Variants in GSG1L observed in about 807,000 individuals in gnomAD.
The protein encoded by GSG1L is GSG1 like.
A neutral mutation model predicts 42.1 loss-of-function variants in GSG1L; 24 were observed. That is an observed-to-expected ratio of 0.57 (90% CI 0.41 to 0.80). The LOEUF is 0.80. GSG1L is among the 30% of genes least tolerant of loss of function. The probability of loss-of-function intolerance (pLI) is 0.00; values close to 1 mark genes in which losing one functional copy is unlikely to be tolerated. For synonymous variants in GSG1L, 215 were observed against 203.5 expected, an observed-to-expected ratio of 1.06 and a Z score of -0.48; for missense variants, 445 against 472.2, an observed-to-expected ratio of 0.94 and a Z score of 0.53.
intron 3 of GSG1L, among the ~76,000 whole-genome samples, chr16:27,880,470 G>C (rs574980854): frequency 6.6e-6 from 1 of 152,314 alleles, no homozygotes; most frequent in East Asian, 1.9e-4. Flanking sequence ...GGGCTTTGAA[G>C]CCAACTGGAG....
At chr16:27,993,608 TTAAACTTTCCAGTGGTG>T (rs2085478164) in intron 1 of GSG1L, among the ~76,000 whole-genome samples, 1 of 152,142 alleles carries the variant, frequency 6.6e-6, no homozygotes, top group Admixed American at 6.6e-5. Context: ...TGCCATGGCA[TTAAACTTTCCAGTGGTG>T]TAAGTGAGAG....
chr16:27,836,526 G>A (rs889889963), intron 4 of GSG1L, among the ~76,000 whole-genome samples: 1 of 151,880 alleles, frequency 6.6e-6, no homozygotes, highest in African/African-American at 2.4e-5. Flanking sequence ...GGTCCTTAAG[G>A]CTCTGTACAT....
At chr16:28,028,087 T>A (rs1039462757) in intron 1 of GSG1L, among the ~76,000 whole-genome samples, 2 of 152,108 alleles carry the variant, frequency 1.3e-5, no homozygotes, top group African/African-American at 2.4e-5. Flanking sequence ...ATTTCGTGAG[T>A]CTTTCCTAAG....
intron 1 of GSG1L, among the ~76,000 whole-genome samples, chr16:28,021,816 G>T (rs2085847072): frequency 6.6e-6 from 1 of 151,952 alleles, no homozygotes; most frequent in African/African-American, 2.4e-5. Context: ...ACTGGCATTG[G>T]TCTCACAAAA....
At chr16:27,796,617 G>A (rs1299758180) in intron 6 of GSG1L, among the ~76,000 whole-genome samples, 1 of 152,214 alleles carries the variant, frequency 6.6e-6, no homozygotes. Flanking sequence ...GGAAGGGCAG[G>A]CTTGAGTGGG....
chr16:27,852,770 G>A (rs1289073799), intron 3 of GSG1L, among the ~76,000 whole-genome samples: 1 of 152,188 alleles, frequency 6.6e-6, no homozygotes, highest in African/African-American at 2.4e-5. Context: ...GTGGTTGGGT[G>A]GGGATGGTGA....
chr16:27,889,408 C>G (rs147406183), intron 2 of GSG1L, among the ~76,000 whole-genome samples: 1 of 152,086 alleles, frequency 6.6e-6, no homozygotes, highest in African/African-American at 2.4e-5. Flanking sequence ...TTGTTCTTGT[C>G]GTTATAATTG....
intron 3 of GSG1L, among the ~76,000 whole-genome samples, chr16:27,864,059 T>G (rs1451285885): frequency 6.6e-6 from 1 of 152,206 alleles, no homozygotes; most frequent in Non-Finnish European, 1.5e-5. Context: ...TCTGGCAGAT[T>G]CCCTCCATAT....
intron 2 of GSG1L, among the ~76,000 whole-genome samples, chr16:27,960,395 A>G (rs990402213): frequency 8.5e-5 from 13 of 152,100 alleles, no homozygotes; most frequent in African/African-American, 3.1e-4. Context: ...CACAGTAACT[A>G]CCGTATGAAA....
chr16:27,828,984 A>G (rs2083246057), intron 4 of GSG1L, 28 bp from the exon 5 acceptor site: 1 of 1,610,054 alleles, frequency 6.2e-7, no homozygotes. Flanking sequence ...GAGAGATGCC[A>G]TCGTGAGGGT....
chr16:28,052,229 C>T (rs2086229022), intron 1 of GSG1L, among the ~76,000 whole-genome samples: 1 of 152,058 alleles, frequency 6.6e-6, no homozygotes, highest in Non-Finnish European at 1.5e-5. Flanking sequence ...GAGGAGTCAT[C>T]TGTGCCACCA....
intron 6 of GSG1L, among the ~76,000 whole-genome samples, chr16:27,803,330 G>A (rs550609800): frequency 5.3e-5 from 8 of 152,028 alleles, no homozygotes; most frequent in Non-Finnish European, 1.0e-4. Context: ...CCCTCTCTGC[G>A]GCAGCCCTTG....
At chr16:27,947,384 A>AAAAGAAAGAAAGAAAG (rs199991139) in intron 2 of GSG1L, among the ~76,000 whole-genome samples, 5,440 of 130,664 alleles carry the variant, frequency 0.042, 170 homozygotes, top group Non-Finnish European at 0.051. Flanking sequence ...GAAAGAAAGA[A>AAAAGAAAGAAAGAAAG]AAAGAAAGAA....
chr16:27,823,661 C>T (rs1292573053), intron 5 of GSG1L, among the ~76,000 whole-genome samples: 1 of 152,088 alleles, frequency 6.6e-6, no homozygotes, highest in East Asian at 1.9e-4. Context: ...TGCATCATAC[C>T]AGAAACCCAC....
chr16:27,981,354 G>A (rs2085324765), intron 1 of GSG1L, among the ~76,000 whole-genome samples: 1 of 152,164 alleles, frequency 6.6e-6, no homozygotes, highest in African/African-American at 2.4e-5. Context: ...AGGCCAATGG[G>A]GAATGATTTT....
At chr16:28,026,672 T>G (rs2085904866) in intron 1 of GSG1L, among the ~76,000 whole-genome samples, 1 of 152,200 alleles carries the variant, frequency 6.6e-6, no homozygotes, top group African/African-American at 2.4e-5. Flanking sequence ...GAACAGCCAC[T>G]GTCTGAGGCA....
intron 1 of GSG1L, among the ~76,000 whole-genome samples, chr16:27,979,687 G>GAAAGAAAGAAAGA (rs778442144): frequency 5.3e-4 from 13 of 24,642 alleles, no homozygotes; most frequent in Non-Finnish European, 6.6e-4. Flanking sequence ...GAGAAAGAAA[G>GAAAGAAAGAAAGA]AAGGAAGGAA....
At position 27,788,746 on chromosome 16, in the gene GSG1L, G is replaced by C. The variant is rs2082719469; in HGVS notation, c.*2624C>G. 1 of 152,176 alleles carries C rather than the reference G, an allele frequency of 6.6e-6. No individual in the cohort carries two copies. The highest frequency in any genetic ancestry group is 2.4e-5 in the African/African-American group (1 of 41,434). The allele number at this position is 152,176 out of a possible 1,614,324, so 9.4% of individuals were successfully genotyped here. Reference sequence around the variant, plus strand: ...AAACACCCACAAAGTGTTTACTTGTGCCAGGCTCTGTTCTAGACACTTCAA... The same window carrying C: ...AAACACCCACAAAGTGTTTACTTGTCCCAGGCTCTGTTCTAGACACTTCAA... On this transcript the variant is annotated 3_prime_UTR_variant, in exon 7 of 7. Transcript: ENST00000447459.
At chr16:27,811,526 C>T (rs1324068096) in intron 5 of GSG1L, among the ~76,000 whole-genome samples, 2 of 152,236 alleles carry the variant, frequency 1.3e-5, no homozygotes, top group Non-Finnish European at 2.9e-5. Flanking sequence ...CATCCAGCAC[C>T]TCTAGGTCAA....
Sources: allele counts gnomAD v4.1 joint callset (sites outside exome capture counted in the v4.1 genomes callset), GRCh38; gene constraint gnomAD v4.1.1; transcripts MANE v1.5; gene names NCBI Gene and HGNC (gene_info 2026-07-23, HGNC 2026-07-21).